PCDH9: variants seen among roughly 807,000 people sequenced by gnomAD.
PCDH9 encodes protocadherin 9, also known as protocadherin-9.
Under a neutral mutation model 70.6 loss-of-function variants are expected in PCDH9, and 24 were observed. The observed-to-expected ratio is 0.34, with a 90% CI of 0.25 to 0.48. The LOEUF (loss-of-function observed/expected upper bound fraction) is 0.48, where lower values mean the gene tolerates loss of function less well. PCDH9 is among the 20% of genes least tolerant of loss of function. The pLI is 0.99. For missense variants in PCDH9, 1,281 were observed against 1,503.6 expected (o/e 0.85, Z 2.45); for synonymous variants, 562 against 558.5 (o/e 1.01, Z -0.09).
chr13:66,414,077 T>A (rs1466966350), intron 4 of PCDH9, among the ~76,000 whole-genome samples: 1 of 152,064 alleles, frequency 6.6e-6, no homozygotes, highest in Non-Finnish European at 1.5e-5. Context: ...ATATCTTAAA[T>A]GATTAAAAAG....
Position 67,227,860 on chromosome 13 carries a change from T to G in PCDH9, c.581A>C (p.Glu194Ala). The G allele has an allele frequency of 1.2e-6, 2 of 1,614,024 alleles. No individual in the cohort carries two copies. The highest frequency in any genetic ancestry group is 1.7e-6 in the Non-Finnish European group (2 of 1,179,906). ...GQSVFGLDIV[E>A]TPEGEKWPQL... is the part of the protein sequence containing the mutation. ...TGGCCACTTCTCTCCCTCTGGAGTT[T>G]CCACGATATCCAGTCCAAAAACACT... The change falls in exon 2 of 5, where the codon GAA becomes GCA. Residue 194 changes from glutamate (E) to alanine (A), a missense_variant. By Grantham distance (107) the Glu-to-Ala change is moderately radical. This residue lies in a region of PCDH9 where 798 missense variants were observed against 1,003.1 expected (regional missense o/e 0.80). Coordinates refer to ENST00000377865, the MANE Select transcript of PCDH9 (RefSeq NM_203487.3). This position sits in a 1 kb window ranked among gnomAD's most constrained non-coding sequence, Gnocchi z 4.6.
intron 3 of PCDH9, among the ~76,000 whole-genome samples, chr13:66,635,307 A>G (rs2077623249): frequency 6.6e-6 from 1 of 152,142 alleles, no homozygotes; most frequent in Non-Finnish European, 1.5e-5. Context: ...CTGATTTATC[A>G]TTGACAGGTT....
rs537222009 is a variant in PCDH9 at position 66,363,583 on chromosome 13, T to C, written c.3341-58555A>G. Among the ~76,000 whole-genome samples, 6 of 152,322 alleles carry C rather than the reference T, an allele frequency of 3.9e-5. No homozygotes were observed. The East Asian group carries it at 9.7e-4, about 25-fold the overall frequency. ...TTTAAGGGAGAATTATGTAGCAGAC[T>C]ATTACAAGTCCATCATTTTTGCTTA... On this transcript the variant is annotated intron_variant, in intron 4 of 4. Transcript: ENST00000377865.
intron 3 of PCDH9, among the ~76,000 whole-genome samples, chr13:66,811,047 A>G (rs2080496277): frequency 6.6e-6 from 1 of 152,120 alleles, no homozygotes; most frequent in Admixed American, 6.6e-5. Context: ...AGTTTCATTG[A>G]ACATTATTTT....
chr13:66,623,852 A>G (rs1049156681), intron 4 of PCDH9, among the ~76,000 whole-genome samples: 2 of 152,232 alleles, frequency 1.3e-5, no homozygotes, highest in African/African-American at 2.4e-5. Context: ...AAATATTTAC[A>G]AGAATTCCTG....
At chr13:66,783,677 T>C (rs2080035469) in intron 3 of PCDH9, among the ~76,000 whole-genome samples, 1 of 152,146 alleles carries the variant, frequency 6.6e-6, no homozygotes, top group South Asian at 2.1e-4. Flanking sequence ...TTCAGATATA[T>C]TACAAAATAA....
intron 3 of PCDH9, among the ~76,000 whole-genome samples, chr13:66,761,087 G>GT (rs1417211917): frequency 2.0e-5 from 3 of 152,064 alleles, no homozygotes; most frequent in Non-Finnish European, 1.5e-5. Flanking sequence ...CTCTGCCCTT[G>GT]TGATATTTTA....
At chr13:66,361,755 A>G (rs879509753) in intron 4 of PCDH9, among the ~76,000 whole-genome samples, 2 of 152,206 alleles carry the variant, frequency 1.3e-5, no homozygotes, top group Non-Finnish European at 2.9e-5. Flanking sequence ...GGTACAAAGC[A>G]TTGCATTTTT....
intron 3 of PCDH9, among the ~76,000 whole-genome samples, chr13:66,827,053 T>G (rs2080836506): frequency 6.6e-6 from 1 of 152,180 alleles, no homozygotes; most frequent in Non-Finnish European, 1.5e-5. Flanking sequence ...CATATGTATC[T>G]TTATAGCATG....
At chr13:67,076,863 T>C (rs1277724971) in intron 2 of PCDH9, among the ~76,000 whole-genome samples, 1 of 152,174 alleles carries the variant, frequency 6.6e-6, no homozygotes, top group African/African-American at 2.4e-5. Flanking sequence ...CACATATGTT[T>C]ATTACCATTG....
intron 2 of PCDH9, among the ~76,000 whole-genome samples, chr13:67,062,881 G>A (rs2085566203): frequency 6.6e-6 from 1 of 152,118 alleles, no homozygotes; most frequent in Non-Finnish European, 1.5e-5. Flanking sequence ...AGAGGGAAGA[G>A]AAGCAATCCA....
Position 67,072,092 on chromosome 13 carries a change from T to G in PCDH9, c.3036+153313A>C, listed in dbSNP as rs571178838. Among the ~76,000 whole-genome samples the G allele has an allele frequency of 3.8e-4, 58 of 152,240 alleles. No homozygotes were observed. The South Asian group carries it at 6.8e-3, about 18-fold the overall frequency. ...TTCTGAGCAGACTAGGAGTGACTAC[T>G]GATCTCTCTGTAGGTATTAGTGAAG... On this transcript the variant is annotated intron_variant, in intron 2 of 4. Transcript: ENST00000377865.
At chr13:66,811,660 ACCTGCCTTCCTG>A (rs1307516491) in intron 3 of PCDH9, among the ~76,000 whole-genome samples, 1 of 146,220 alleles carries the variant, frequency 6.8e-6, no homozygotes, top group Non-Finnish European at 1.5e-5. Flanking sequence ...TGCCTGCCTA[ACCTGCCTTCCTG>A]CCTGCCTGTC....
chr13:66,927,290 G>A (rs551552760), intron 2 of PCDH9, among the ~76,000 whole-genome samples: 6 of 152,066 alleles, frequency 3.9e-5, no homozygotes, highest in Middle Eastern at 3.4e-3. Flanking sequence ...GCAAACTAAC[G>A]CAGGAAGAGA....
chr13:67,059,383 T>TAC (rs1490247985), intron 2 of PCDH9, among the ~76,000 whole-genome samples: 21 of 144,288 alleles, frequency 1.5e-4, no homozygotes, highest in African/African-American at 5.4e-4. Context: ...TATATATATA[T>TAC]AGTATATAGT....
At chr13:67,088,963 T>C in intron 2 of PCDH9, among the ~76,000 whole-genome samples, 1 of 152,130 alleles carries the variant, frequency 6.6e-6, no homozygotes, top group East Asian at 1.9e-4. Context: ...ACTAGAAAGA[T>C]GACAGAATTT....
chr13:66,980,924 T>C (rs2083750079), intron 2 of PCDH9, among the ~76,000 whole-genome samples: 1 of 152,020 alleles, frequency 6.6e-6, no homozygotes, highest in South Asian at 2.1e-4. Flanking sequence ...AAAACATGCA[T>C]GCTGATTCCA....
At chr13:66,959,486 C>T (rs376027091) in intron 2 of PCDH9, among the ~76,000 whole-genome samples, 63 of 152,110 alleles carry the variant, frequency 4.1e-4, no homozygotes, top group African/African-American at 1.4e-3. Context: ...GATTCAGTGG[C>T]TCAGGCTTGT....
intron 3 of PCDH9, among the ~76,000 whole-genome samples, chr13:66,731,071 A>AG (rs2079073299): frequency 6.6e-6 from 1 of 151,682 alleles, no homozygotes; most frequent in Admixed American, 6.6e-5. Flanking sequence ...ATAAATCCAC[A>AG]GGGGAATGGT....
Sources: gnomAD v4.1 joint callset for allele counts (sites outside exome capture counted in the v4.1 genomes callset) on GRCh38, gnomAD v4.1.1 for gene constraint, gnomAD v4.1.1 regional missense constraint, Gnocchi (gnomAD v3.1) non-coding constraint, MANE v1.5 for transcripts, NCBI Gene and HGNC (gene_info 2026-07-23, HGNC 2026-07-21) for gene names.